Variants in OSBPL7 observed in about 807,000 individuals in gnomAD.
OSBPL7 encodes the protein oxysterol binding protein like 7.
A neutral mutation model predicts 115.8 loss-of-function variants in OSBPL7; 66 were observed. That is an observed-to-expected ratio of 0.57 (90% CI 0.47 to 0.70). OSBPL7 has a LOEUF of 0.70. OSBPL7 is among the 30% of genes least tolerant of loss of function. The probability of loss-of-function intolerance (pLI) is 0.00; values close to 1 mark genes in which losing one functional copy is unlikely to be tolerated. For synonymous variants in OSBPL7, 441 were observed against 439.2 expected (o/e 1.00, Z -0.05); for missense variants, 902 against 1,125.5 (o/e 0.80, Z 2.84).
chr17:47,809,292 G>A lies in OSBPL7; in HGVS notation c.2025+42C>T, dbSNP rs1285159033. On this transcript the variant is annotated intron_variant, in intron 19 of 22. Transcript: ENST00000007414. ...GCCAGGGTGACCTCCAGAGACAGAG[G>A]CTGCCGGGGATGGATGGGCAGGGTC... 8 of 1,611,060 alleles carry A rather than the reference G, an allele frequency of 5.0e-6. No individual in the cohort carries two copies. In the Admixed American group the frequency reaches 1.2e-4, roughly 24 times the overall value.
intron 16 of OSBPL7, among the ~76,000 whole-genome samples, chr17:47,811,243 C>T (rs1344108260): frequency 6.6e-6 from 1 of 152,076 alleles, no homozygotes; most frequent in African/African-American, 2.4e-5. Context: ...AACCTCCACC[C>T]CACACCCTTG....
In OSBPL7 at chr17:47,809,350, T is replaced by C; in HGVS notation, c.2009A>G (p.Lys670Arg). Residue 670 changes from lysine to arginine, a missense_variant, in exon 19 of 23, where the codon AAG becomes AGG. Physicochemically the swap from Lys to Arg is conservative, Grantham distance 26. This residue lies in a region of OSBPL7 where 230 missense variants were observed against 312.7 expected (regional missense o/e 0.74). Transcript: ENST00000007414. ...RNTQDSSCHC[K>R]ITFCKAKYWS... is the part of the protein sequence containing the mutation. Reference sequence around the variant, plus strand: ...CACACACACCTTGCAGAAGGTGATCTTGCAGTGGCAGGAGCTGTCCTGTGT... The same window carrying C: ...CACACACACCTTGCAGAAGGTGATCCTGCAGTGGCAGGAGCTGTCCTGTGT... 6.2e-7 allele frequency: 1 copy of C among 1,614,072 alleles called. No individual in the cohort carries two copies. The highest frequency in any genetic ancestry group is 8.5e-7 in the Non-Finnish European group (1 of 1,179,922).
intron 13 of OSBPL7, 80 bp from the exon 14 acceptor site, chr17:47,814,694 C>A: frequency 1.6e-6 from 2 of 1,245,804 alleles, no homozygotes; most frequent in South Asian, 1.3e-5. Flanking sequence ...TGGCAAGAAT[C>A]TGCCCAACTA....
intron 13 of OSBPL7, chr17:47,814,958 G>C: frequency 3.5e-6 from 2 of 568,638 alleles, no homozygotes; most frequent in East Asian, 5.8e-5. Context: ...ATAGGAAGAT[G>C]ACCGGGGTTG....
In OSBPL7 at chr17:47,816,822, C is replaced by T; in HGVS notation, c.753G>A (p.Met251Ile). The change falls in exon 9 of 23, where the codon ATG (methionine) becomes ATA (isoleucine). Residue 251 changes from methionine to isoleucine, a missense_variant. Transcript: ENST00000007414. The surrounding 1 kb of genome is among the most constrained non-coding windows in gnomAD (Gnocchi z 5.8). Reference protein sequence around the residue: ...RPKKGKRTSRMWCTQSFAKDD... With the variant: ...RPKKGKRTSRIWCTQSFAKDD... The stretch of plus-strand genomic sequence containing the variant: ...CCTTGGCAAAGCTCTGGGTGCACCA[C>T]ATGCGGCTTGTCCGTTTCCCCTTCT... 1.2e-6 allele frequency: 2 copies of T among 1,614,150 alleles called. No individual in the cohort carries two copies. The highest frequency in any genetic ancestry group is 1.1e-5 in the South Asian group (1 of 91,086).
chr17:47,813,954 C>T, intron 14 of OSBPL7, 120 bp from the exon 15 acceptor site: 1 of 1,330,336 alleles, frequency 7.5e-7, no homozygotes, highest in Non-Finnish European at 1.0e-6. Flanking sequence ...CGCCCCTGAG[C>T]CCTTGTCTCG....
intron 13 of OSBPL7, 178 bp downstream of exon 13, chr17:47,815,037 C>T (rs1355807768): frequency 1.5e-5 from 12 of 806,496 alleles, no homozygotes; most frequent in Non-Finnish European, 2.3e-5. Context: ...GGAGAAGAGT[C>T]CCTAGCAGAG....
intron 15 of OSBPL7, 56 bp downstream of exon 15, chr17:47,813,531 G>T: frequency 6.3e-7 from 1 of 1,586,938 alleles, no homozygotes; most frequent in Non-Finnish European, 8.6e-7. Context: ...TGGGAGAAAA[G>T]ATCCCAGGGA....
At chr17:47,819,256 C>T in intron 4 of OSBPL7, 157 bp from the exon 5 acceptor site, 1 of 628,756 alleles carries the variant, frequency 1.6e-6, no homozygotes. Context: ...TGTCAATCAT[C>T]CTCCCATGTG....
Position 47,818,373 on chromosome 17 carries a change from T to C in OSBPL7, c.494A>G (p.Gln165Arg). The C allele has an allele frequency of 6.2e-7, 1 of 1,613,852 alleles. No individual in the cohort carries two copies. The highest frequency in any genetic ancestry group is 8.5e-7 in the Non-Finnish European group (1 of 1,179,868). The change falls in exon 7 of 23, where the codon CAG becomes CGG. Residue 165 changes from glutamine to arginine, a missense_variant. Physicochemically the swap from Gln to Arg is conservative, Grantham distance 43 (BLOSUM62 1). Transcript: ENST00000007414. ...STAHRKVPGA[Q>R]LPTAATASAL... ...TGAGGCAGTAGCTGCTGTTGGAAGC[T>C]GGGCACCAGGAACCTGTGGGGTGAG...
chr17:47,812,835 G>A (rs1462301805), intron 16 of OSBPL7, among the ~76,000 whole-genome samples: 1 of 152,128 alleles, frequency 6.6e-6, no homozygotes, highest in Non-Finnish European at 1.5e-5. Context: ...ATGCCTTCAG[G>A]ATTTAAAAAC....
At position 47,814,510 on chromosome 17, in the gene OSBPL7, C is replaced by T. The variant is rs201426885; in HGVS notation, c.1351+11G>A. 5.8e-5 allele frequency: 94 copies of T among 1,610,678 alleles called. No homozygotes were observed. In the Middle Eastern group the frequency reaches 2.9e-3, roughly 50 times the overall value. On this transcript the variant is annotated intron_variant, in intron 14 of 22. Transcript: ENST00000007414. Reference sequence around the variant, plus strand: ...CTCCCACCCCTCCCTGCCTGCCCACCCAGCTGGCACCTTTCTGACAGCGCT... The same window carrying T: ...CTCCCACCCCTCCCTGCCTGCCCACTCAGCTGGCACCTTTCTGACAGCGCT...
In OSBPL7 at chr17:47,817,373, G is replaced by A. The variant is rs2033257949; in HGVS notation, c.599-14C>T. The A allele has an allele frequency of 3.2e-6, 5 of 1,539,070 alleles. No homozygotes were observed. Among genetic ancestry groups the A allele is most frequent in the African/African-American group, 1.4e-5 (1 of 72,370 alleles). On this transcript the variant is annotated splice_polypyrimidine_tract_variant and intron_variant, in intron 7 of 22. Transcript: ENST00000007414. ...ACTCAGAGAGCTCTGCGGGGAAAAA[G>A]AACAAGAACAAGAACACCATTCATT... is the stretch of plus-strand genomic sequence containing the variant.
In OSBPL7 at chr17:47,813,308, C is replaced by T; in HGVS notation, c.1695G>A (p.Glu565=). ...PFNPVLGETY[E]CERPDRGFRF... ...GGAAGCCTCGGTCAGGCCGCTCACA[C>T]TCGTAGGTCTCCCCCAGGACAGGGT... Residue 565 remains glutamate, a synonymous_variant, in exon 16 of 23, where the codon GAG becomes GAA. Coordinates refer to ENST00000007414, the MANE Select transcript of OSBPL7 (RefSeq NM_145798.3). 1 of 1,614,112 alleles carries T rather than the reference C, an allele frequency of 6.2e-7. No individual in the cohort carries two copies. Among genetic ancestry groups the T allele is most frequent in the Non-Finnish European group, 8.5e-7 (1 of 1,180,036 alleles).
intron 18 of OSBPL7, 71 bp downstream of exon 18, chr17:47,810,523 A>T: frequency 2.9e-6 from 4 of 1,400,748 alleles, no homozygotes; most frequent in Non-Finnish European, 4.0e-6. Context: ...CCTGTCCCTA[A>T]GGCCACGCCC....
Position 47,808,822 on chromosome 17 carries a change from G to A in OSBPL7, c.2297+42C>T. The A allele has an allele frequency of 6.2e-7, 1 of 1,611,576 alleles. No individual in the cohort carries two copies. The highest frequency in any genetic ancestry group is 8.5e-7 in the Non-Finnish European group (1 of 1,177,912). On this transcript the variant is annotated intron_variant, in intron 21 of 22. Coordinates refer to ENST00000007414, the MANE Select transcript of OSBPL7 (RefSeq NM_145798.3). This position sits in a 1 kb window ranked among gnomAD's most constrained non-coding sequence, Gnocchi z 6.1. ...CCCAGCTCTGTACTCTGTGGAGGGAGTGAACTAGATGGTTCTAGGCCGGCA... is the reference window on the plus strand; with the variant it reads ...CCCAGCTCTGTACTCTGTGGAGGGAATGAACTAGATGGTTCTAGGCCGGCA...
Position 47,808,370 on chromosome 17 carries a change from C to G in OSBPL7, c.2450G>C (p.Trp817Ser), listed in dbSNP as rs915502127. 1.2e-6 allele frequency: 2 copies of G among 1,614,152 alleles called. No individual in the cohort carries two copies. The highest frequency in any genetic ancestry group is 4.5e-5 in the East Asian group (2 of 44,872). Residue 817 changes from tryptophan (W) to serine (S), a missense_variant, in exon 23 of 23, where the codon TGG becomes TCG. This residue lies in a region of OSBPL7 where 230 missense variants were observed against 312.7 expected (regional missense o/e 0.74). Coordinates refer to ENST00000007414, the MANE Select transcript of OSBPL7 (RefSeq NM_145798.3). The surrounding 1 kb of genome is among the most constrained non-coding windows in gnomAD (Gnocchi z 6.1). ...RRQTDSSGKEWWVTNNTYWRL... is the reference protein window; with the variant it reads ...RRQTDSSGKESWVTNNTYWRL... ...CCAGTAGGTATTGTTGGTCACCCAC[C>G]ACTCTTTCCCGCTGCTATCCGTCTG...
chr17:47,815,399 G>A, intron 12 of OSBPL7, 47 bp from the exon 13 acceptor site: 1 of 1,607,978 alleles, frequency 6.2e-7, no homozygotes, highest in Non-Finnish European at 8.5e-7. Flanking sequence ...CCAAGCCGGG[G>A]GGATCAAGCA....
In OSBPL7 at chr17:47,808,406, G is replaced by C; in HGVS notation, c.2421-7C>G. 1 of 1,614,044 alleles carries C rather than the reference G, an allele frequency of 6.2e-7. No homozygotes were observed. Among genetic ancestry groups the C allele is most frequent in the Non-Finnish European group, 8.5e-7 (1 of 1,179,904 alleles). ...GCTGCTATCCGTCTGCCGCCTGGTGGGAGAAGGCGGTGGCAGTGAGGGGTG... is the reference window on the plus strand; with the variant it reads ...GCTGCTATCCGTCTGCCGCCTGGTGCGAGAAGGCGGTGGCAGTGAGGGGTG... On this transcript the variant is annotated splice_region_variant and splice_polypyrimidine_tract_variant and intron_variant, in intron 22 of 22. Coordinates refer to ENST00000007414, the MANE Select transcript of OSBPL7 (RefSeq NM_145798.3). The surrounding 1 kb of genome is among the most constrained non-coding windows in gnomAD (Gnocchi z 6.1).
Sources: gnomAD v4.1 joint callset for allele counts (sites outside exome capture counted in the v4.1 genomes callset) on GRCh38, gnomAD v4.1.1 for gene constraint, gnomAD v4.1.1 regional missense constraint, Gnocchi (gnomAD v3.1) non-coding constraint, MANE v1.5 for transcripts, NCBI Gene and HGNC (gene_info 2026-07-23, HGNC 2026-07-21) for gene names.